DIO2: variants seen among roughly 807,000 people sequenced by gnomAD.
DIO2 encodes the protein iodothyronine deiodinase 2.
Under a neutral mutation model 21.4 loss-of-function variants are expected in DIO2, and 19 were observed. That is an observed-to-expected ratio of 0.89 (90% CI 0.62 to 1.30). The LOEUF (loss-of-function observed/expected upper bound fraction) is 1.30, where lower values mean the gene tolerates loss of function less well. Ranked by LOEUF, DIO2 falls within the 50% of genes most tolerant of loss-of-function variation. DIO2 has a pLI of 0.00. For missense variants in DIO2, 302 were observed against 338.1 expected (o/e 0.89, Z 0.84); for synonymous variants, 122 against 132.9 (o/e 0.92, Z 0.57).
rs1374757765 is a variant in DIO2 at position 80,198,967 on chromosome 14, T to C, written c.*3722A>G. The C allele has an allele frequency of 6.6e-6, 1 of 152,200 alleles. No individual in the cohort carries two copies. The highest frequency in any genetic ancestry group is 1.9e-4 in the East Asian group (1 of 5,192). 9.4% of individuals were successfully genotyped at this position (152,200 alleles called of 1,614,324 possible). A position where few individuals can be genotyped will look rare whatever the true frequency, so the allele number is the denominator to read the frequency against. On this transcript the variant is annotated 3_prime_UTR_variant, in exon 2 of 2. Transcript: ENST00000438257. ...GTCATATGATCCTAATTAAAGTTAT[T>C]TTCCAAACCATCAGTCAGAGGTCGG... is the stretch of plus-strand genomic sequence containing the variant.
rs190976974 is a variant in DIO2 at position 80,221,144 on chromosome 14, G to A, written c.-277-4407C>T. On this transcript the variant is annotated intron_variant, in intron 2 of 4. Coordinates refer to the DIO2 transcript ENST00000553594. The stretch of plus-strand genomic sequence containing the variant: ...TCTTTATAACCCCTACTCACTTCTT[G>A]CTTCCTATGTAATTTGAAGGATGTT... Among the ~76,000 whole-genome samples, 532 of 152,210 alleles carry A rather than the reference G, an allele frequency of 3.5e-3. 3 individuals carry two copies. Among genetic ancestry groups the A allele is most frequent in the Non-Finnish European group, 6.1e-3 (418 of 68,014 alleles).
At chr14:80,215,040 C>T (rs1288972604), upstream of DIO2, among the ~76,000 whole-genome samples, 1 of 152,138 alleles carries the variant, frequency 6.6e-6, no homozygotes, top group Admixed American at 6.5e-5. Context: ...AAGACTGTCC[C>T]GACTCAGGCT....
At chr14:80,220,222 C>T (rs1203293386) in intron 2 of DIO2, among the ~76,000 whole-genome samples, 1 of 152,116 alleles carries the variant, frequency 6.6e-6, no homozygotes, top group Non-Finnish European at 1.5e-5. Flanking sequence ...CTACAGGCGC[C>T]CGCCACCATG....
At chr14:80,204,312 G>A (rs1266830355) in intron 1 of DIO2, among the ~76,000 whole-genome samples, 2 of 151,854 alleles carry the variant, frequency 1.3e-5, no homozygotes, top group African/African-American at 4.8e-5. Flanking sequence ...TTTTATCTAG[G>A]AAGTCACATT....
chr14:80,215,604 A>G (rs1888332485), upstream of DIO2, among the ~76,000 whole-genome samples: 1 of 152,226 alleles, frequency 6.6e-6, no homozygotes, highest in South Asian at 2.1e-4. Flanking sequence ...TGTCAAGTGC[A>G]TAATTTAAAA....
intron 1 of DIO2, chr14:80,206,278 C>T: frequency 1.3e-6 from 2 of 1,582,982 alleles, no homozygotes; most frequent in East Asian, 2.3e-5. Context: ...CTTTTATAAG[C>T]TTCATATACT....
upstream of DIO2, among the ~76,000 whole-genome samples, chr14:80,212,613 T>C (rs1888251773): frequency 6.6e-6 from 1 of 152,082 alleles, no homozygotes; most frequent in Non-Finnish European, 1.5e-5. Context: ...TCTTGGAAAA[T>C]ATGAACATTT....
intron 1 of DIO2, among the ~76,000 whole-genome samples, chr14:80,208,971 G>A (rs1197475151): frequency 6.6e-6 from 1 of 152,102 alleles, no homozygotes; most frequent in Non-Finnish European, 1.5e-5. Flanking sequence ...AACATCAGTC[G>A]TGAACTTGGT....
At position 80,202,975 on chromosome 14, in the gene DIO2, G is replaced by A. The variant is rs201270426; in HGVS notation, c.536C>T (p.Ser179Phe). Residue 179 changes from serine (S) to phenylalanine (F), a missense_variant, in exon 2 of 2, where the codon TCT becomes TTT. Physicochemically the swap from Ser to Phe is radical, Grantham distance 155. Transcript: ENST00000438257. Reference sequence around the variant, plus strand: ...GTTCTGGTGCTTCTTCACCTCAAAAGACAAAGAGGAGTCCCCCGGTATCGC... The same window carrying A: ...GTTCTGGTGCTTCTTCACCTCAAAAAACAAAGAGGAGTCCCCCGGTATCGC... ...GWAIPGDSSL[S>F]FEVKKHQNQE... 29 of 1,613,860 alleles carry A rather than the reference G, an allele frequency of 1.8e-5. No homozygotes were observed. The Admixed American group carries it at 3.7e-4, about 20-fold the overall frequency.
rs1887659506 is a variant in DIO2 at position 80,200,180 on chromosome 14, T to C, written c.*2509A>G. On this transcript the variant is annotated 3_prime_UTR_variant, in exon 2 of 2. Transcript: ENST00000438257. ...ATTCCTGAGCTTTGTCCATTCATTTTCTCCATTGGCCCTTCCACAGCCTTT... is the reference window on the plus strand; with the variant it reads ...ATTCCTGAGCTTTGTCCATTCATTTCCTCCATTGGCCCTTCCACAGCCTTT... 6.6e-6 allele frequency: 1 copy of C among 152,656 alleles called. No individual in the cohort carries two copies. The highest frequency in any genetic ancestry group is 2.4e-5 in the African/African-American group (1 of 41,452). 9.5% of individuals were successfully genotyped at this position (152,656 alleles called of 1,614,324 possible).
chr14:80,228,657 G>C (rs1369420492), intron 2 of DIO2, among the ~76,000 whole-genome samples: 1 of 152,178 alleles, frequency 6.6e-6, no homozygotes, highest in Non-Finnish European at 1.5e-5. Flanking sequence ...CTACCAGGCA[G>C]GGAGCCAATG....
chr14:80,225,858 A>C (rs1209136435), intron 2 of DIO2, among the ~76,000 whole-genome samples: 1 of 152,032 alleles, frequency 6.6e-6, no homozygotes, highest in African/African-American at 2.4e-5. Flanking sequence ...CAACACTGTA[A>C]CTCCCTTCTT....
intron 2 of DIO2, among the ~76,000 whole-genome samples, chr14:80,228,369 T>G (rs920320856): frequency 6.6e-6 from 1 of 152,186 alleles, no homozygotes; most frequent in Non-Finnish European, 1.5e-5. Flanking sequence ...TGAAACCACA[T>G]CTGGTACAGC....
Position 80,197,856 on chromosome 14 carries a change from A to C in DIO2, c.*4833T>G, listed in dbSNP as rs1265840331. 6.6e-6 allele frequency: 1 copy of C among 152,648 alleles called. No homozygotes were observed. Among genetic ancestry groups the C allele is most frequent in the Non-Finnish European group, 1.5e-5 (1 of 68,058 alleles). The allele number at this position is 152,648 out of a possible 1,614,324, so 9.5% of individuals were successfully genotyped here. On this transcript the variant is annotated 3_prime_UTR_variant, in exon 2 of 2. Coordinates refer to ENST00000438257, the MANE Select transcript of DIO2 (RefSeq NM_013989.5). ...TCATCCGCACACTGGTCAACTCTGC[A>C]CATCTCTGTCTCCCTCTTCGGGCGC...
intron 1 of DIO2, chr14:80,206,103 G>T: frequency 1.5e-6 from 1 of 673,654 alleles, no homozygotes; most frequent in Non-Finnish European, 2.5e-6. Context: ...TGAGGAGCCA[G>T]GGTCCCTTAC....
intron 1 of DIO2, among the ~76,000 whole-genome samples, chr14:80,210,004 C>T (rs1363889701): frequency 6.6e-6 from 1 of 152,090 alleles, no homozygotes; most frequent in African/African-American, 2.4e-5. Context: ...TCGAGTTCCC[C>T]GTCTCTGGTT....
Position 80,199,422 on chromosome 14 carries a change from T to C in DIO2, c.*3267A>G, listed in dbSNP as rs1278173925. The stretch of plus-strand genomic sequence containing the variant: ...TGAAGACACAGGACCAGAGACCCAA[T>C]GTGAAAAAAGAAAGTCATGTAAGTT... On this transcript the variant is annotated 3_prime_UTR_variant, in exon 2 of 2. Coordinates refer to ENST00000438257, the MANE Select transcript of DIO2 (RefSeq NM_013989.5). The C allele has an allele frequency of 2.0e-5, 3 of 152,084 alleles. No individual in the cohort carries two copies. Among genetic ancestry groups the C allele is most frequent in the African/African-American group, 4.8e-5 (2 of 41,380 alleles). 9.4% of individuals were successfully genotyped at this position (152,084 alleles called of 1,614,324 possible).
rs563859298 is a variant in DIO2 at position 80,198,703 on chromosome 14, G to A, written c.*3986C>T. 1 of 147,572 alleles carries A rather than the reference G, an allele frequency of 6.8e-6. No individual in the cohort carries two copies. Among genetic ancestry groups the A allele is most frequent in the Non-Finnish European group, 1.5e-5 (1 of 67,370 alleles). The allele number at this position is 147,572 out of a possible 1,614,324, so 9.1% of individuals were successfully genotyped here. A position where few individuals can be genotyped will look rare whatever the true frequency, so the allele number is the denominator to read the frequency against. ...AGAGTGGGTTTGGATTCTATTTTTA[G>A]AGTGAAGGAGGAAGTTGGAATCTAA... On this transcript the variant is annotated 3_prime_UTR_variant, in exon 2 of 2. Coordinates refer to ENST00000438257, the MANE Select transcript of DIO2 (RefSeq NM_013989.5).
At position 80,200,902 on chromosome 14, in the gene DIO2, GA is replaced by G. The variant is rs1344311250; in HGVS notation, c.*1786del. 6 of 152,022 alleles carry G rather than the reference GA, an allele frequency of 3.9e-5. No individual in the cohort carries two copies. Among genetic ancestry groups the G allele is most frequent in the Non-Finnish European group, 7.4e-5 (5 of 67,990 alleles). 9.4% of individuals were successfully genotyped at this position (152,022 alleles called of 1,614,324 possible). A position where few individuals can be genotyped will look rare whatever the true frequency, so the allele number is the denominator to read the frequency against. On this transcript the variant is annotated 3_prime_UTR_variant, in exon 2 of 2. Transcript: ENST00000438257. ...TTCTCAATTCAGACAACTAGTTTAA[GA>G]ATGTATTTTCAACTTTAGTTTTTTT...
Sources: gnomAD v4.1 joint callset for allele counts (sites outside exome capture counted in the v4.1 genomes callset) on GRCh38, gnomAD v4.1.1 for gene constraint, MANE v1.5 for transcripts, NCBI Gene and HGNC (gene_info 2026-07-23, HGNC 2026-07-21) for gene names.